Variants in XPO5 observed in about 807,000 individuals in gnomAD.
XPO5 encodes exportin-5.
In XPO5, 46 loss-of-function variants were observed where a neutral mutation model predicts 160.6. That is an observed-to-expected ratio of 0.29 (90% CI 0.23 to 0.37). The LOEUF (loss-of-function observed/expected upper bound fraction) is 0.37, where lower values mean the gene tolerates loss of function less well. Ranked by LOEUF, XPO5 falls within the 10% of genes least tolerant of loss-of-function variation. The pLI, the probability that XPO5 is intolerant of heterozygous loss-of-function variation, is 1.00. For synonymous variants in XPO5, 537 were observed against 519.3 expected, an observed-to-expected ratio of 1.03 and a Z score of -0.46; for missense variants, 1,090 against 1,463.9, an observed-to-expected ratio of 0.74 and a Z score of 4.17.
intron 15 of XPO5, chr6:43,551,037 A>T (rs1157106903): frequency 3.5e-6 from 1 of 284,356 alleles, no homozygotes; most frequent in East Asian, 6.4e-5. Flanking sequence ...ATATTTAATA[A>T]ATGAATAAAT....
At chr6:43,555,180 G>C (rs1040912948) in intron 13 of XPO5, 1 of 152,238 alleles carries the variant, frequency 6.6e-6, no homozygotes, top group Non-Finnish European at 1.5e-5. Flanking sequence ...GACCTCAGGT[G>C]ATCTGCCCGC....
intron 9 of XPO5, 136 bp downstream of exon 9, chr6:43,562,111 A>G (rs1762448787): frequency 1.7e-6 from 1 of 592,426 alleles, no homozygotes; most frequent in Non-Finnish European, 3.0e-6. Flanking sequence ...AATCTATAGA[A>G]TCATGCAATA....
chr6:43,544,814 G>T (rs914872552), intron 20 of XPO5, among the ~76,000 whole-genome samples: 1 of 152,070 alleles, frequency 6.6e-6, no homozygotes, highest in Non-Finnish European at 1.5e-5. Context: ...CTCAGTACAA[G>T]TCCTACTTCT....
chr6:43,526,489 A>G, intron 27 of XPO5, 196 bp downstream of exon 27: 1 of 608,738 alleles, frequency 1.6e-6, no homozygotes. Context: ...ATCATCTGAG[A>G]CAGAGGAAAC....
rs924840714 is a variant in XPO5, at chr6:43,555,746, T to C, written c.1441+90A>G. On this transcript the variant is annotated intron_variant, in intron 13 of 31. Coordinates refer to ENST00000265351, the MANE Select transcript of XPO5 (RefSeq NM_020750.3). ...TTTGAATAGTATAAGTATATCGTTC[T>C]GATGTGTGTATAGCTCAGGCTCATT... 8 of 1,520,916 alleles carry C rather than the reference T, an allele frequency of 5.3e-6. No individual in the cohort carries two copies. The African/African-American group carries it at 1.1e-4, about 21-fold the overall frequency. The allele number at this position is 1,520,916 out of a possible 1,614,324, so 94.2% of individuals were successfully genotyped here.
At chr6:43,558,679 T>A in intron 11 of XPO5, 88 bp from the exon 12 acceptor site, 1 of 1,000,900 alleles carries the variant, frequency 1.0e-6, no homozygotes, top group Non-Finnish European at 1.4e-6. Flanking sequence ...CACTTTTAAT[T>A]TATTTAAGAG....
chr6:43,539,145 G>A (rs1582211776), intron 20 of XPO5: 5 of 1,140,966 alleles, frequency 4.4e-6, no homozygotes, highest in South Asian at 2.6e-5. Flanking sequence ...GAGCCACGGC[G>A]GCCTGTCACC....
intron 17 of XPO5, 29 bp from the exon 18 acceptor site, chr6:43,548,489 G>A: frequency 6.7e-7 from 1 of 1,487,086 alleles, no homozygotes; most frequent in Non-Finnish European, 9.0e-7. Flanking sequence ...AAAAGCCAGA[G>A]GTGGTAAAGG....
intron 6 of XPO5, among the ~76,000 whole-genome samples, chr6:43,567,967 GT>G (rs796357128): frequency 1.1e-3 from 144 of 135,404 alleles, no homozygotes; most frequent in African/African-American, 2.8e-3. Flanking sequence ...GTCTGTTTTT[GT>G]TTTTTTTTTT....
chr6:43,523,744 G>T lies in XPO5; in HGVS notation c.*124C>A. ...CCTGTTCTCTCCAGCTCCAGACCTG[G>T]ATCTCTTTCCAGGCTGACAGTGGTG... On this transcript the variant is annotated 3_prime_UTR_variant, in exon 32 of 32. Coordinates refer to ENST00000265351, the MANE Select transcript of XPO5 (RefSeq NM_020750.3). 2 of 1,497,768 alleles carry T rather than the reference G, an allele frequency of 1.3e-6. No individual in the cohort carries two copies. The highest frequency in any genetic ancestry group is 1.9e-6 in the Non-Finnish European group (2 of 1,074,776). The allele number at this position is 1,497,768 out of a possible 1,614,324, so 92.8% of individuals were successfully genotyped here.
chr6:43,574,955 G>T (rs892919271), intron 1 of XPO5, among the ~76,000 whole-genome samples: 1 of 152,164 alleles, frequency 6.6e-6, no homozygotes, highest in Non-Finnish European at 1.5e-5. Context: ...CTTTAAAAAT[G>T]TACAGCACAA....
intron 20 of XPO5, chr6:43,539,258 G>C (rs1794544463): frequency 1.4e-6 from 2 of 1,432,672 alleles, no homozygotes; most frequent in African/African-American, 2.8e-5. Flanking sequence ...ACGGGTGGCG[G>C]TGGCCACCTC....
chr6:43,562,668 G>A (rs1056087927), intron 8 of XPO5, among the ~76,000 whole-genome samples: 1 of 152,132 alleles, frequency 6.6e-6, no homozygotes. Context: ...TAGGCTTTAG[G>A]AACATTGAAG....
At chr6:43,562,367 A>G (rs1450947340) in intron 8 of XPO5, 21 bp from the exon 9 acceptor site, 9 of 1,549,050 alleles carry the variant, frequency 5.8e-6, no homozygotes, top group African/African-American at 4.1e-5. Context: ...AGAATTCCTT[A>G]TATCACCAAC....
In XPO5 at chr6:43,570,939, A is replaced by T; in HGVS notation, c.356T>A (p.Ile119Asn). 6.2e-7 allele frequency: 1 copy of T among 1,613,852 alleles called. No individual in the cohort carries two copies. The highest frequency in any genetic ancestry group is 1.1e-5 in the South Asian group (1 of 91,028). The change falls in exon 4 of 32, where the codon ATT becomes AAT. Residue 119 changes from isoleucine (I) to asparagine (N), a missense_variant. By Grantham distance (149) the Ile-to-Asn change is moderately radical (BLOSUM62 -3). Around this residue, in one of 3 missense-constraint regions of XPO5, gnomAD observed 170 missense variants for 227.0 expected, o/e 0.75. Transcript: ENST00000265351. ...ENHIKDALSRIVVEMIKREWP... is the reference protein window; with the variant it reads ...ENHIKDALSRNVVEMIKREWP... ...CTCTCGCTTGATCATTTCCACTACA[A>T]TTCGAGACAGAGCATCTTTAATATG...
chr6:43,571,424 A>G (rs1464907575), intron 3 of XPO5, among the ~76,000 whole-genome samples: 5 of 152,128 alleles, frequency 3.3e-5, no homozygotes, highest in Non-Finnish European at 7.4e-5. Context: ...AGAAGATCCC[A>G]TCTCTCATGT....
At chr6:43,553,028 T>TAAAAAAGATAAAA (rs11274964) in intron 14 of XPO5, among the ~76,000 whole-genome samples, 28,517 of 152,132 alleles carry the variant, frequency 0.19, 5,698 homozygotes, top group African/African-American at 0.51. Flanking sequence ...ACTACCAGTT[T>TAAAAAAGATAAAA]ACTGGCCAGG....
intron 6 of XPO5, among the ~76,000 whole-genome samples, chr6:43,568,192 C>T (rs1762800077): frequency 6.6e-6 from 1 of 151,960 alleles, no homozygotes; most frequent in South Asian, 2.1e-4. Flanking sequence ...CCTGTAGTCC[C>T]AGCTACTCGG....
intron 3 of XPO5, 112 bp from the exon 4 acceptor site, chr6:43,571,106 C>A: frequency 9.3e-7 from 1 of 1,077,472 alleles, no homozygotes; most frequent in Non-Finnish European, 1.3e-6. Flanking sequence ...ACTTTTAAAC[C>A]AAACAGAACA....
Sources: allele counts gnomAD v4.1 joint callset (sites outside exome capture counted in the v4.1 genomes callset), GRCh38; gene constraint gnomAD v4.1.1; regional missense constraint gnomAD v4.1.1; transcripts MANE v1.5; gene names NCBI Gene and HGNC (gene_info 2026-07-23, HGNC 2026-07-21).